SCRG1: variants seen among roughly 807,000 people sequenced by gnomAD.
SCRG1 encodes scrapie-responsive protein 1.
In SCRG1, 3 loss-of-function variants were observed where a neutral mutation model predicts 7.7. That is an observed-to-expected ratio of 0.39 (90% confidence interval 0.18 to 1.01). SCRG1 has a LOEUF of 1.01. SCRG1 is among the 50% of genes least tolerant of loss of function. SCRG1 has a pLI of 0.36. For synonymous variants in SCRG1, 46 were observed against 41.2 expected (o/e 1.12, Z -0.44); for missense variants, 110 against 117.2 (o/e 0.94, Z 0.28).
At chr4:173,512,819 C>T in the SCRG1 span, among the ~76,000 whole-genome samples, 2 of 152,192 alleles carry the variant, frequency 1.3e-5, no homozygotes, top group African/African-American at 4.8e-5. Flanking sequence ...TCAGCCTCTC[C>T]AAGGGTCACA....
Position 173,388,370 on chromosome 4 carries a change from A to AG in SCRG1, c.267dup (p.Ser90LeufsTer22). 1 of 1,612,396 alleles carries AG rather than the reference A, an allele frequency of 6.2e-7. No homozygotes were observed. The highest frequency in any genetic ancestry group is 8.5e-7 in the Non-Finnish European group (1 of 1,179,044). On this transcript the variant is annotated frameshift_variant, in exon 3 of 3. Transcript: ENST00000296506. LOFTEE classifies it high-confidence loss of function. ...TGATTGTTGCAAGGAATCACGAAAGAGATCTTTGGTCCAAAGAAAACGTCT... is the reference window on the plus strand; with the variant it reads ...TGATTGTTGCAAGGAATCACGAAAGAGGATCTTTGGTCCAAAGAAAACGTCT...
chr4:173,473,696 G>C, the SCRG1 span, among the ~76,000 whole-genome samples: 1 of 152,204 alleles, frequency 6.6e-6, no homozygotes, highest in Non-Finnish European at 1.5e-5. Flanking sequence ...GGCTAGGGCA[G>C]TGGGGTCTGA....
the SCRG1 span, among the ~76,000 whole-genome samples, chr4:173,465,975 T>G: frequency 6.6e-5 from 10 of 152,128 alleles, no homozygotes; most frequent in Admixed American, 2.0e-4. Flanking sequence ...TCTCCAAAAC[T>G]TCCTTTCAAA....
chr4:173,479,450 T>G, the SCRG1 span, among the ~76,000 whole-genome samples: 3 of 149,192 alleles, frequency 2.0e-5, no homozygotes, highest in Non-Finnish European at 3.0e-5. Context: ...TTTGTTTTTT[T>G]TTTTTTTTGA....
the SCRG1 span, among the ~76,000 whole-genome samples, chr4:173,463,047 G>A: frequency 6.6e-6 from 1 of 152,032 alleles, no homozygotes; most frequent in Non-Finnish European, 1.5e-5. Flanking sequence ...AAGAAAGAAG[G>A]CCACAAAACA....
the SCRG1 span, among the ~76,000 whole-genome samples, chr4:173,457,179 G>GT: frequency 6.6e-6 from 1 of 152,216 alleles, no homozygotes; most frequent in African/African-American, 2.4e-5. Context: ...GCAGAGGAAA[G>GT]TGTACCAGGG....
chr4:173,440,847 C>T, the SCRG1 span, among the ~76,000 whole-genome samples: 1 of 152,232 alleles, frequency 6.6e-6, no homozygotes, highest in African/African-American at 2.4e-5. Flanking sequence ...CCTGTAGATG[C>T]ATCACTCCAA....
the SCRG1 span, among the ~76,000 whole-genome samples, chr4:173,518,836 G>A: frequency 3.1e-3 from 472 of 152,152 alleles, 1 homozygote; most frequent in African/African-American, 0.011. Flanking sequence ...CCGCCTTTGT[G>A]TCCGCCCCCC....
chr4:173,430,689 C>T, the SCRG1 span, among the ~76,000 whole-genome samples: 1 of 151,614 alleles, frequency 6.6e-6, no homozygotes, highest in African/African-American at 2.4e-5. Flanking sequence ...CACCTGTAGT[C>T]CCAGCTACTT....
the SCRG1 span, among the ~76,000 whole-genome samples, chr4:173,418,619 G>A: frequency 3.9e-5 from 6 of 152,160 alleles, no homozygotes; most frequent in Non-Finnish European, 8.8e-5. Flanking sequence ...TGTGAAAATG[G>A]ACACTACTTC....
At chr4:173,437,880 G>T in the SCRG1 span, among the ~76,000 whole-genome samples, 1 of 152,176 alleles carries the variant, frequency 6.6e-6, no homozygotes, top group Non-Finnish European at 1.5e-5. Flanking sequence ...GTGCCAAGAT[G>T]CACAAAGAGA....
At chr4:173,462,787 CA>C in the SCRG1 span, among the ~76,000 whole-genome samples, 2 of 152,054 alleles carry the variant, frequency 1.3e-5, no homozygotes, top group East Asian at 3.9e-4. Context: ...TAAATAGAAA[CA>C]ACAAAAAGTT....
chr4:173,435,118 ATG>A, the SCRG1 span, among the ~76,000 whole-genome samples: 1,286 of 151,400 alleles, frequency 8.5e-3, 20 homozygotes, highest in African/African-American at 0.014. Context: ...ATATATATCT[ATG>A]TGTGTGTGTG....
the SCRG1 span, among the ~76,000 whole-genome samples, chr4:173,502,908 T>C: frequency 2.0e-5 from 3 of 152,230 alleles, no homozygotes; most frequent in African/African-American, 7.2e-5. This position sits in a 1 kb window ranked among gnomAD's most constrained non-coding sequence, Gnocchi z 4.6. Flanking sequence ...GTCTGATCAC[T>C]ATAGAAATAT....
rs998103839 is a variant in SCRG1, at chr4:173,386,551, G to C, written c.*1790C>G. ...CAGATTAGATACCAGACACTGTTTT[G>C]GGTGTGGTCTTTCAGCCCAGTAACA... On this transcript the variant is annotated 3_prime_UTR_variant, in exon 3 of 3. Transcript: ENST00000296506. The C allele has an allele frequency of 6.6e-6, 1 of 152,026 alleles. No homozygotes were observed. The highest frequency in any genetic ancestry group is 2.4e-5 in the African/African-American group (1 of 41,366). 9.4% of individuals were successfully genotyped at this position (152,026 alleles called of 1,614,324 possible). A position where few individuals can be genotyped will look rare whatever the true frequency, so the allele number is the denominator to read the frequency against.
the SCRG1 span, among the ~76,000 whole-genome samples, chr4:173,466,239 A>G: frequency 2.0e-5 from 3 of 152,202 alleles, no homozygotes; most frequent in African/African-American, 2.4e-5. Flanking sequence ...ATTCCCAAAC[A>G]GCAGTGCTGG....
chr4:173,436,976 C>A, the SCRG1 span, among the ~76,000 whole-genome samples: 1 of 152,166 alleles, frequency 6.6e-6, no homozygotes, highest in Non-Finnish European at 1.5e-5. Flanking sequence ...CTGGCTTTCC[C>A]CTCTCCCCTT....
At chr4:173,456,915 G>A in the SCRG1 span, among the ~76,000 whole-genome samples, 5 of 152,262 alleles carry the variant, frequency 3.3e-5, no homozygotes, top group Non-Finnish European at 7.4e-5. Flanking sequence ...TGACTCTTAG[G>A]GATTCTCAGC....
At chr4:173,476,330 T>C in the SCRG1 span, among the ~76,000 whole-genome samples, 1 of 102,300 alleles carries the variant, frequency 9.8e-6, no homozygotes, top group Non-Finnish European at 2.3e-5. Context: ...TTGGACCTCA[T>C]TTCCTAGGTA....
Sources: gnomAD v4.1 joint callset for allele counts (sites outside exome capture counted in the v4.1 genomes callset) on GRCh38, gnomAD v4.1.1 for gene constraint, Gnocchi (gnomAD v3.1) non-coding constraint, MANE v1.5 for transcripts, NCBI Gene and HGNC (gene_info 2026-07-23, HGNC 2026-07-21) for gene names.